The following ADAM19 variants were observed in gnomAD, a reference collection of about 807,000 sequenced individuals.
The protein encoded by ADAM19 is disintegrin and metalloproteinase domain-containing protein 19.
In ADAM19, 65 loss-of-function variants were observed where a neutral mutation model predicts 114.7. The ratio of observed to expected loss-of-function variants is 0.57; its 90% CI spans 0.46 to 0.70. The LOEUF (loss-of-function observed/expected upper bound fraction) is 0.70. Ranked by LOEUF, ADAM19 falls within the 30% of genes least tolerant of loss-of-function variation. ADAM19 has a pLI of 0.00. For missense variants in ADAM19, 1,063 were observed against 1,204.7 expected, an observed-to-expected ratio of 0.88 and a Z score of 1.74; for synonymous variants, 466 against 460.5, an observed-to-expected ratio of 1.01 and a Z score of -0.15.
At chr5:157,518,572 T>C (rs897871799) in intron 7 of ADAM19, among the ~76,000 whole-genome samples, 14 of 152,168 alleles carry the variant, frequency 9.2e-5, no homozygotes, top group Admixed American at 4.6e-4. Flanking sequence ...TTAGTAGAGA[T>C]GGGGTTTCAC....
chr5:157,514,995 C>G (rs1219713747), intron 7 of ADAM19, among the ~76,000 whole-genome samples: 3 of 152,212 alleles, frequency 2.0e-5, no homozygotes. Flanking sequence ...AGAACAAGAA[C>G]AGCCAAGTAA....
intron 3 of ADAM19, among the ~76,000 whole-genome samples, chr5:157,560,066 C>A (rs975334830): frequency 7.9e-5 from 12 of 151,628 alleles, no homozygotes; most frequent in Admixed American, 3.9e-4. Context: ...GAGATCGAGA[C>A]CATCCCGGCT....
At chr5:157,563,269 G>A (rs963266495) in intron 3 of ADAM19, among the ~76,000 whole-genome samples, 4 of 152,140 alleles carry the variant, frequency 2.6e-5, no homozygotes, top group South Asian at 4.1e-4. Flanking sequence ...CTGGCTTCCC[G>A]AGGCCACCAT....
rs114234282 is a variant in ADAM19, at chr5:157,529,092, A to G, written c.407+1715T>C. Reference sequence around the variant, plus strand: ...GTAGCCTGAAATTGATCATGGTGGGATTATCTTTGTCAGCATATTGGCAGA... The same window carrying G: ...GTAGCCTGAAATTGATCATGGTGGGGTTATCTTTGTCAGCATATTGGCAGA... On this transcript the variant is annotated intron_variant, in intron 5 of 22. Transcript: ENST00000257527. Among the ~76,000 whole-genome samples the G allele has an allele frequency of 6.7e-3, 1,014 of 152,284 alleles. 7 individuals are homozygous for G. Among genetic ancestry groups the G allele is most frequent in the African/African-American group, 0.023 (960 of 41,540 alleles).
Position 157,529,065 on chromosome 5 carries a change from C to T in ADAM19, c.407+1742G>A, listed in dbSNP as rs1756553738. 2.0e-5 allele frequency among the ~76,000 whole-genome samples: 3 copies of T among 152,182 alleles called. No homozygotes were observed. In the South Asian group the frequency reaches 6.2e-4, roughly 32 times the overall value. On this transcript the variant is annotated intron_variant, in intron 5 of 22. Coordinates refer to ENST00000257527, the MANE Select transcript of ADAM19 (RefSeq NM_033274.5). ...AATTCTGCCTTCAATAACATCACAT[C>T]GGTAGCCTGAAATTGATCATGGTGG...
intron 5 of ADAM19, among the ~76,000 whole-genome samples, chr5:157,524,234 T>C (rs72811312): frequency 0.033 from 5,068 of 152,366 alleles, 110 homozygotes; most frequent in South Asian, 0.07. Flanking sequence ...TGATCTAATT[T>C]GCTGAATGTT....
At chr5:157,565,627 T>C (rs1481518661) in intron 2 of ADAM19, among the ~76,000 whole-genome samples, 3 of 151,544 alleles carry the variant, frequency 2.0e-5, no homozygotes, top group Non-Finnish European at 2.9e-5. Flanking sequence ...GAGAATTGCT[T>C]GAACCTGGGA....
chr5:157,546,357 G>A (rs991556144), intron 3 of ADAM19, among the ~76,000 whole-genome samples: 2 of 152,180 alleles, frequency 1.3e-5, no homozygotes, highest in African/African-American at 4.8e-5. Flanking sequence ...AGAGAGCAAG[G>A]CCAGTCTAGG....
At chr5:157,567,531 C>T (rs920380484) in intron 2 of ADAM19, among the ~76,000 whole-genome samples, 2 of 152,222 alleles carry the variant, frequency 1.3e-5, no homozygotes, top group Non-Finnish European at 2.9e-5. Flanking sequence ...GGCACGGTGG[C>T]TCACGCCTGT....
At chr5:157,513,703 T>C (rs1756002726) in intron 7 of ADAM19, among the ~76,000 whole-genome samples, 198 bp from the exon 8 acceptor site, 1 of 152,220 alleles carries the variant, frequency 6.6e-6, no homozygotes, top group Admixed American at 6.5e-5. Flanking sequence ...TATCCACAGC[T>C]ACTAGCTCAG....
chr5:157,528,135 C>A (rs1387553508), intron 5 of ADAM19, among the ~76,000 whole-genome samples: 1 of 152,230 alleles, frequency 6.6e-6, no homozygotes, highest in Non-Finnish European at 1.5e-5. Flanking sequence ...GCTGTTGCAG[C>A]TGCTCCTTCT....
chr5:157,575,245 G>C (rs1434951178), intron 1 of ADAM19, among the ~76,000 whole-genome samples: 1 of 152,230 alleles, frequency 6.6e-6, no homozygotes, highest in Non-Finnish European at 1.5e-5. Context: ...GAAAGACAGA[G>C]AGAGAGGCGG....
intron 2 of ADAM19, among the ~76,000 whole-genome samples, chr5:157,569,563 C>T (rs1195754070): frequency 6.6e-6 from 1 of 151,726 alleles, no homozygotes; most frequent in African/African-American, 2.4e-5. Flanking sequence ...TTGGTCTGTC[C>T]TAAAATTTAC....
intron 22 of ADAM19, chr5:157,481,302 G>A: frequency 1.7e-6 from 1 of 572,496 alleles, no homozygotes; most frequent in Non-Finnish European, 3.1e-6. Context: ...TGGTCAGCCA[G>A]CTTCTTCACC....
At chr5:157,489,248 G>A (rs1389505156) in intron 19 of ADAM19, 62 bp from the exon 20 acceptor site, 11 of 1,256,372 alleles carry the variant, frequency 8.8e-6, no homozygotes, top group Admixed American at 1.8e-5. Context: ...GACAGTGCCT[G>A]AGTTCCCTTT....
chr5:157,552,554 C>G (rs1356484899), intron 3 of ADAM19, among the ~76,000 whole-genome samples: 1 of 151,816 alleles, frequency 6.6e-6, no homozygotes, highest in Non-Finnish European at 1.5e-5. Flanking sequence ...TGGTGTGTGC[C>G]TGTAGTCCCA....
At chr5:157,552,011 T>C (rs566034418) in intron 3 of ADAM19, among the ~76,000 whole-genome samples, 6 of 151,978 alleles carry the variant, frequency 3.9e-5, no homozygotes, top group African/African-American at 1.4e-4. Flanking sequence ...ATTAACCAGG[T>C]GTGGTGGCGT....
At chr5:157,520,725 C>G (rs573462412) in intron 5 of ADAM19, among the ~76,000 whole-genome samples, 1 of 152,204 alleles carries the variant, frequency 6.6e-6, no homozygotes, top group East Asian at 1.9e-4. Flanking sequence ...AGTGATGACA[C>G]GCCTACTTGT....
At chr5:157,503,492 A>T (rs922753995) in intron 11 of ADAM19, among the ~76,000 whole-genome samples, 4 of 151,802 alleles carry the variant, frequency 2.6e-5, no homozygotes, top group African/African-American at 7.3e-5. Context: ...TAAAGTATAA[A>T]AAAAAAAAAA....
Sources: gnomAD v4.1 joint callset for allele counts (sites outside exome capture counted in the v4.1 genomes callset) on GRCh38, gnomAD v4.1.1 for gene constraint, MANE v1.5 for transcripts, NCBI Gene and HGNC (gene_info 2026-07-23, HGNC 2026-07-21) for gene names.